Variants in KRTAP13-4 observed in about 807,000 individuals in gnomAD.
KRTAP13-4 encodes the protein keratin associated protein 13-4, also known as keratin-associated protein 13-4.
For synonymous variants in KRTAP13-4, 80 were observed against 77.2 expected, an observed-to-expected ratio of 1.04 and a Z score of -0.19; for missense variants, 198 against 189.6, an observed-to-expected ratio of 1.04 and a Z score of -0.26.
chr21:30,430,725 C>G (rs1345304175), exon 1 of KRTAP13-4: 2 of 1,612,430 alleles, frequency 1.2e-6, no homozygotes, highest in Admixed American at 1.7e-5. Flanking sequence ...ACAGACCAAT[C>G]TGTGGATCTC....
exon 1 of KRTAP13-4, chr21:30,430,848 T>C (rs1021265900): frequency 6.9e-7 from 1 of 1,451,838 alleles, no homozygotes; most frequent in Non-Finnish European, 9.3e-7. Context: ...ATCTTTTTAT[T>C]CTTCCACCAC....
chr21:30,430,459 C>T, the KRTAP13-4 span: 1 of 1,614,070 alleles, frequency 6.2e-7, no homozygotes. Flanking sequence ...CGCCAGCTGC[C>T]AGAAATCCTG....
exon 1 of KRTAP13-4, chr21:30,430,535 T>A (rs1984429926): frequency 6.2e-6 from 10 of 1,614,080 alleles, no homozygotes; most frequent in Non-Finnish European, 8.5e-6. Context: ...TCTCTAGGCT[T>A]TCGGTCCAGC....
chr21:30,431,012 A>C, exon 1 of KRTAP13-4: 1 of 358,638 alleles, frequency 2.8e-6, no homozygotes, highest in Non-Finnish European at 5.3e-6. Context: ...AAATGTATGT[A>C]ATCTGGTACC....
exon 1 of KRTAP13-4, chr21:30,431,016 TG>T (rs1444518014): frequency 2.9e-6 from 1 of 350,368 alleles, no homozygotes; most frequent in Non-Finnish European, 5.4e-6. Context: ...GTATGTAATC[TG>T]GTACCCAAAT....
At chr21:30,430,587 G>T (rs150222104) in exon 1 of KRTAP13-4, 5 of 1,614,010 alleles carry the variant, frequency 3.1e-6, no homozygotes, top group African/African-American at 1.3e-5. Context: ...GCTGCTACTC[G>T]CTGGGAAATG....
rs542055849 is a variant in KRTAP13-4 at position 30,430,474 on chromosome 21, C to T, written c.199C>T (p.Arg67Cys). 1.3e-5 allele frequency: 21 copies of T among 1,613,942 alleles called. No individual in the cohort carries two copies. Among genetic ancestry groups the T allele is most frequent in the Middle Eastern group, 3.3e-4 (2 of 6,058 alleles). The change falls in exon 1 of 1, where the codon CGC (arginine) becomes TGC (cysteine). Residue 67 changes from arginine to cysteine, a missense_variant. Physicochemically the swap from Arg to Cys is radical, Grantham distance 180. Transcript: ENST00000334068. Reference sequence around the variant, plus strand: ...CGCCAGCTGCCAGAAATCCTGCTACCGCCCCAGGACCTCCATCCTCTGCTG... The same window carrying T: ...CGCCAGCTGCCAGAAATCCTGCTACTGCCCCAGGACCTCCATCCTCTGCTG...
exon 1 of KRTAP13-4, chr21:30,430,784 G>A (rs906662108): frequency 6.4e-7 from 1 of 1,573,280 alleles, no homozygotes; most frequent in African/African-American, 1.4e-5. Context: ...TGAGTATTGG[G>A]ATCAAAGTCT....
At chr21:30,430,773 T>C (rs1019422170) in exon 1 of KRTAP13-4, 1 of 1,590,932 alleles carries the variant, frequency 6.3e-7, no homozygotes, top group Non-Finnish European at 8.6e-7. Context: ...CTAGATCCTT[T>C]TGAGTATTGG....
rs73899384 is a variant in KRTAP13-4 at position 30,430,553 on chromosome 21, G to A, written c.278G>A (p.Arg93His). The A allele has an allele frequency of 2.1e-3, 3,444 of 1,614,102 alleles. 53 individuals carry two copies. The African/African-American group carries it at 0.038, about 18-fold the overall frequency. The change falls in exon 1 of 1, where the codon CGC becomes CAC. Residue 93 changes from arginine to histidine, a missense_variant. Arg to His is a conservative substitution (Grantham distance 29, BLOSUM62 0). Coordinates refer to ENST00000334068, the Ensembl canonical transcript of KRTAP13-4. ...CTAGGCTTTCGGTCCAGCAGCTGTC[G>A]CTCCCAGGGCTATGGATCTAGGTGC...
At chr21:30,430,909 C>T in exon 1 of KRTAP13-4, 1 of 755,124 alleles carries the variant, frequency 1.3e-6, no homozygotes, top group Non-Finnish European at 2.2e-6. Context: ...AATGAGTAAC[C>T]TAATATTAAC....
chr21:30,430,951 G>A (rs899662493), exon 1 of KRTAP13-4: 2 of 549,340 alleles, frequency 3.6e-6, no homozygotes, highest in African/African-American at 3.8e-5. Context: ...TCGAATATAT[G>A]CTATCTGATT....
the KRTAP13-4 span, chr21:30,430,395 C>CT: frequency 3.7e-6 from 6 of 1,614,224 alleles, no homozygotes; most frequent in Non-Finnish European, 5.1e-6. Context: ...CTCCCAGCAC[C>CT]TGCCAGCTGC....
chr21:30,430,606 G>T (rs1984435732), exon 1 of KRTAP13-4: 2 of 1,614,184 alleles, frequency 1.2e-6, no homozygotes, highest in Non-Finnish European at 1.7e-6. Context: ...TGGATCCAGT[G>T]GCTTCAGATT....
At position 30,430,561 on chromosome 21, in the gene KRTAP13-4, G is replaced by A. The variant is rs145589942; in HGVS notation, c.286G>A (p.Gly96Ser). 6.4e-5 allele frequency: 103 copies of A among 1,614,152 alleles called. No homozygotes were observed. The African/African-American group carries it at 1.3e-3, about 20-fold the overall frequency. Residue 96 changes from glycine (G) to serine (S), a missense_variant, in exon 1 of 1, where the codon GGC becomes AGC. Gly to Ser is a moderately conservative substitution (Grantham distance 56). Transcript: ENST00000334068. ...TCGGTCCAGCAGCTGTCGCTCCCAG[G>A]GCTATGGATCTAGGTGCTGCTACTC... is the stretch of plus-strand genomic sequence containing the variant.
chr21:30,430,476 C>T lies in KRTAP13-4; in HGVS notation c.201C>T (p.Arg67=), dbSNP rs556857765. Residue 67 remains arginine, a synonymous_variant, in exon 1 of 1, where the codon CGC becomes CGT. Transcript: ENST00000334068. ...CCAGCTGCCAGAAATCCTGCTACCG[C>T]CCCAGGACCTCCATCCTCTGCTGTC... The T allele has an allele frequency of 6.8e-6, 11 of 1,614,006 alleles. No homozygotes were observed. The South Asian group carries it at 9.9e-5, about 14-fold the overall frequency.
chr21:30,430,438 T>C, exon 1 of KRTAP13-4: 1 of 1,614,026 alleles, frequency 6.2e-7, no homozygotes, highest in Non-Finnish European at 8.5e-7. Context: ...TCAGAAGACC[T>C]GCTGGGAGCC....
At chr21:30,430,686 G>A (rs1984438884) in exon 1 of KRTAP13-4, 1 of 1,613,972 alleles carries the variant, frequency 6.2e-7, no homozygotes, top group South Asian at 1.1e-5. Context: ...CAAACTACTT[G>A]GCTTCTGGAG....
chr21:30,430,234 T>C (rs767026322), exon 1 of KRTAP13-4: 7 of 1,518,644 alleles, frequency 4.6e-6, no homozygotes, highest in Non-Finnish European at 5.3e-6. Context: ...AAACTCAGAA[T>C]CTTCTTAGGT....
Sources: gnomAD v4.1 joint callset for allele counts on GRCh38, gnomAD v4.1.1 for gene constraint, MANE v1.5 for transcripts, NCBI Gene and HGNC (gene_info 2026-07-23, HGNC 2026-07-21) for gene names.